The following CELF2 variants were observed in gnomAD, a reference collection of about 807,000 sequenced individuals.
The protein encoded by CELF2 is CUG triplet repeat RNA-binding protein 2.
A neutral mutation model predicts 62.6 loss-of-function variants in CELF2; 8 were observed. The observed-to-expected ratio is 0.13, with a 90% confidence interval of 0.07 to 0.23. The LOEUF is 0.23. CELF2 is among the 10% of genes least tolerant of loss of function. The pLI is 1.00. For synonymous variants in CELF2, 258 were observed against 250.0 expected (o/e 1.03, Z -0.30); for missense variants, 333 against 671.0 (o/e 0.50, Z 5.56).
chr10:10,767,767 C>A, the CELF2 span, among the ~76,000 whole-genome samples: 1 of 152,070 alleles, frequency 6.6e-6, no homozygotes, highest in African/African-American at 2.4e-5. Flanking sequence ...GAGGCCGAGG[C>A]GGGTGGATCA....
At chr10:10,836,910 C>G (rs2058335255) in intron 1 of CELF2, among the ~76,000 whole-genome samples, 1 of 152,216 alleles carries the variant, frequency 6.6e-6, no homozygotes, top group Admixed American at 6.5e-5. Context: ...GCTGGGATTA[C>G]AGGCTTGAGC....
chr10:11,019,395 A>G (rs1204334385), intron 1 of CELF2, among the ~76,000 whole-genome samples: 2 of 152,200 alleles, frequency 1.3e-5, no homozygotes, highest in East Asian at 1.9e-4. Flanking sequence ...TGTAGGACTT[A>G]ACATCCCTAT....
chr10:11,017,774 C>T (rs2057476968), upstream of CELF2: 1 of 194,842 alleles, frequency 5.1e-6, no homozygotes, highest in Non-Finnish European at 9.3e-6. This position sits in a 1 kb window ranked among gnomAD's most constrained non-coding sequence, Gnocchi z 5.5. Flanking sequence ...CGGAGGCGGC[C>T]CGCCCTGTGT....
chr10:10,809,174 T>G (rs1195643893), intron 1 of CELF2, among the ~76,000 whole-genome samples: 1 of 151,390 alleles, frequency 6.6e-6, no homozygotes, highest in African/African-American at 2.4e-5. Flanking sequence ...ATACTCTTTC[T>G]CTCTCTCTCT....
At chr10:10,576,832 A>G in the CELF2 span, among the ~76,000 whole-genome samples, 2 of 152,182 alleles carry the variant, frequency 1.3e-5, no homozygotes, top group Middle Eastern at 3.4e-3. Flanking sequence ...CACTGGAGTT[A>G]CTCTTACCAG....
chr10:10,800,994 A>G (rs1323686236), intron 1 of CELF2, among the ~76,000 whole-genome samples: 2 of 152,156 alleles, frequency 1.3e-5, no homozygotes, highest in Non-Finnish European at 2.9e-5. Flanking sequence ...AAGAATGTAT[A>G]TGACTACGGT....
intron 8 of CELF2, among the ~76,000 whole-genome samples, chr10:11,286,008 T>C (rs2091201393): frequency 6.6e-6 from 1 of 152,172 alleles, no homozygotes. Flanking sequence ...GAAAGAGTTA[T>C]AAACAAACAG....
chr10:10,805,422 T>C (rs1195065849), intron 1 of CELF2, among the ~76,000 whole-genome samples: 2 of 152,232 alleles, frequency 1.3e-5, no homozygotes, highest in Non-Finnish European at 2.9e-5. Context: ...TTAGGAATAT[T>C]TGAAGAATCA....
the CELF2 span, among the ~76,000 whole-genome samples, chr10:10,748,747 CAAAAAAA>C: frequency 0.077 from 2,855 of 36,866 alleles, 42 homozygotes; most frequent in South Asian, 0.13. Context: ...GACTCTGTCT[CAAAAAAA>C]AAAAAAAAAA....
chr10:10,991,492 T>G (rs1209337685), intron 2 of CELF2, among the ~76,000 whole-genome samples: 2 of 152,178 alleles, frequency 1.3e-5, no homozygotes, highest in Non-Finnish European at 2.9e-5. Flanking sequence ...GTGTCACACC[T>G]GCCTGTCCCC....
intron 1 of CELF2, among the ~76,000 whole-genome samples, chr10:11,093,533 G>A (rs764200670): frequency 3.3e-4 from 51 of 152,286 alleles, no homozygotes; most frequent in Non-Finnish European, 5.4e-4. Context: ...TCCCAGCTCC[G>A]TAATTGTAGC....
In CELF2 at chr10:11,309,518, T is replaced by G. The variant is rs1329123151; in HGVS notation, c.977-4621T>G. On this transcript the variant is annotated intron_variant, in intron 9 of 12. Coordinates refer to ENST00000633077, the MANE Select transcript of CELF2 (RefSeq NM_001326342.2). The surrounding 1 kb of genome is among the most constrained non-coding windows in gnomAD (Gnocchi z 5.6). ...TAAGTTTCTGGCTGCTGTATCTCTG[T>G]TGTTTTCACTTCCAGCTGTTAGCCT... Among the ~76,000 whole-genome samples, 1 of 152,234 alleles carries G rather than the reference T, an allele frequency of 6.6e-6. No individual in the cohort carries two copies. The highest frequency in any genetic ancestry group is 1.5e-5 in the Non-Finnish European group (1 of 68,038).
chr10:11,043,217 A>G (rs1194676787), intron 1 of CELF2, among the ~76,000 whole-genome samples: 1 of 152,180 alleles, frequency 6.6e-6, no homozygotes, highest in Non-Finnish European at 1.5e-5. Context: ...TTTTGTAATG[A>G]GAAGGGTGGG....
At chr10:10,520,608 G>A in the CELF2 span, among the ~76,000 whole-genome samples, 1 of 152,162 alleles carries the variant, frequency 6.6e-6, no homozygotes, top group African/African-American at 2.4e-5. Context: ...AAGGGCAAGA[G>A]AATAGGGCAG....
intron 2 of CELF2, among the ~76,000 whole-genome samples, chr10:10,941,394 C>T (rs2047034373): frequency 6.6e-6 from 1 of 152,190 alleles, no homozygotes; most frequent in African/African-American, 2.4e-5. Flanking sequence ...TTGGTTTCTT[C>T]TCGCAGGACT....
rs2094496632 is a variant in CELF2 at position 11,310,361 on chromosome 10, A to T, written c.977-3778A>T. 2.0e-5 allele frequency among the ~76,000 whole-genome samples: 3 copies of T among 152,216 alleles called. 1 individual carries two copies. In the South Asian group the frequency reaches 6.2e-4, roughly 32 times the overall value. On this transcript the variant is annotated intron_variant, in intron 9 of 12. Coordinates refer to ENST00000633077, the MANE Select transcript of CELF2 (RefSeq NM_001326342.2). ...TTTATGCTGAGCTTCAGAGGAGGGGATTTGTACCAGGGAAGGGAGCAGGTT... is the reference window on the plus strand; with the variant it reads ...TTTATGCTGAGCTTCAGAGGAGGGGTTTTGTACCAGGGAAGGGAGCAGGTT...
At chr10:10,632,282 A>T in the CELF2 span, among the ~76,000 whole-genome samples, 1 of 152,202 alleles carries the variant, frequency 6.6e-6, no homozygotes, top group African/African-American at 2.4e-5. Context: ...GAAGGGTGGC[A>T]TGGGTTTTAA....
intron 2 of CELF2, among the ~76,000 whole-genome samples, chr10:11,181,613 G>A (rs2073404834): frequency 6.6e-6 from 1 of 152,204 alleles, no homozygotes; most frequent in Non-Finnish European, 1.5e-5. Context: ...CCCCAGCAGA[G>A]TCATGTCTCG....
intron 2 of CELF2, chr10:10,923,106 G>A (rs182428440): frequency 2.0e-5 from 3 of 152,080 alleles, no homozygotes; most frequent in African/African-American, 7.2e-5. Flanking sequence ...GAAATACCTC[G>A]GTGCTGTGGA....
Sources: gnomAD v4.1 joint callset for allele counts (sites outside exome capture counted in the v4.1 genomes callset) on GRCh38, gnomAD v4.1.1 for gene constraint, Gnocchi (gnomAD v3.1) non-coding constraint, MANE v1.5 for transcripts, NCBI Gene and HGNC (gene_info 2026-07-23, HGNC 2026-07-21) for gene names.